The following IFNL2 variants were observed in gnomAD, a reference collection of about 807,000 sequenced individuals.
IFNL2 encodes the protein interferon lambda-2.
In IFNL2, 17 loss-of-function variants were observed where a neutral mutation model predicts 18.7. The ratio of observed to expected loss-of-function variants is 0.91; its 90% CI spans 0.62 to 1.36. IFNL2 has a LOEUF of 1.36. IFNL2 is among the 40% of genes most tolerant of loss of function. The pLI, the probability that IFNL2 is intolerant of heterozygous loss-of-function variation, is 0.00. For missense variants in IFNL2, 225 were observed against 257.3 expected (o/e 0.87, Z 0.86); for synonymous variants, 96 against 113.4 (o/e 0.85, Z 0.98).
chr19:39,269,589 C>A lies in IFNL2; in HGVS notation c.372C>A (p.Asp124Glu), dbSNP rs377564412. The A allele has an allele frequency of 7.4e-6, 12 of 1,614,104 alleles. No homozygotes were observed. In the African/African-American group the frequency reaches 9.3e-5, roughly 13 times the overall value. Residue 124 changes from aspartate (D) to glutamate (E), a missense_variant, in exon 4 of 6, where the codon GAC becomes GAA. Asp to Glu is a conservative substitution (Grantham distance 45). Transcript: ENST00000331982. ...ACCCAGCCCTGGTGGACGTCTTGGACCAGCCCCTTCACACCCTGCACCATA... is the reference window on the plus strand; with the variant it reads ...ACCCAGCCCTGGTGGACGTCTTGGAACAGCCCCTTCACACCCTGCACCATA... ...DTDPALVDVL[D>E]QPLHTLHHIL...
rs752636997 is a variant in IFNL2, at chr19:39,269,912, C to T, written c.505-3C>T. ...CCCCTGACCCATCCCCTCCTCCCTA[C>T]AGGAGTCCCCTGGCTGCCTCGAGGC... On this transcript the variant is annotated splice_polypyrimidine_tract_variant and splice_region_variant and intron_variant, in intron 5 of 5. Coordinates refer to ENST00000331982, the MANE Select transcript of IFNL2 (RefSeq NM_172138.2). The T allele has an allele frequency of 3.7e-5, 59 of 1,606,812 alleles. No individual in the cohort carries two copies.
intron 2 of IFNL2, 142 bp downstream of exon 2, chr19:39,269,000 G>A (rs561634632): frequency 7.3e-7 from 1 of 1,371,748 alleles, no homozygotes; most frequent in Admixed American, 2.2e-5. Flanking sequence ...CTACTGTAGG[G>A]ACTGACTCAT....
rs1359050492 is a variant in IFNL2 at position 39,269,184 on chromosome 19, C to A, written c.225C>A (p.Cys75Ter). ...EESLLLKDCR[C>*]HSRLFPRTWD... The stretch of plus-strand genomic sequence containing the variant: ...CGCTTCTGCTGAAGGACTGCAGGTG[C>A]CACTCCCGCCTCTTCCCCAGGACCT... Residue 75 changes from cysteine to a stop codon, truncating the protein, a stop_gained, in exon 3 of 6, where the codon TGC (cysteine) becomes TGA (stop). Coordinates refer to ENST00000331982, the MANE Select transcript of IFNL2 (RefSeq NM_172138.2). LOFTEE classifies it high-confidence loss of function. 1 of 1,610,532 alleles carries A rather than the reference C, an allele frequency of 6.2e-7. No individual in the cohort carries two copies. The highest frequency in any genetic ancestry group is 8.5e-7 in the Non-Finnish European group (1 of 1,178,444).
At position 39,269,574 on chromosome 19, in the gene IFNL2, G is replaced by A. The variant is rs2075027973; in HGVS notation, c.357G>A (p.Leu119=). The A allele has an allele frequency of 1.2e-6, 2 of 1,614,090 alleles. No individual in the cohort carries two copies. Among genetic ancestry groups the A allele is most frequent in the African/African-American group, 1.3e-5 (1 of 74,914 alleles). Residue 119 remains leucine (L), a synonymous_variant, in exon 4 of 6, where the codon CTG becomes CTA. Coordinates refer to ENST00000331982, the MANE Select transcript of IFNL2 (RefSeq NM_172138.2). ...CCACCGCTGACACTGACCCAGCCCT[G>A]GTGGACGTCTTGGACCAGCCCCTTC... is the stretch of plus-strand genomic sequence containing the variant. ...LEATADTDPA[L]VDVLDQPLHT...
Position 39,269,819 on chromosome 19 carries a change from A to G in IFNL2, c.502A>G (p.Lys168Glu). ...WLYRLQEAPK[K>E]ESPGCLEASV... is the part of the protein sequence containing the mutation. ...GTACCGGCTCCAGGAGGCCCCAAAA[A>G]AGGTGAGTGACCCGGGAAGAGAGGG... Residue 168 changes from lysine (K) to glutamate (E), a missense_variant and splice_region_variant, in exon 5 of 6, where the codon AAG becomes GAG. Lys to Glu is a moderately conservative substitution (Grantham distance 56). Transcript: ENST00000331982. 3 of 1,608,006 alleles carry G rather than the reference A, an allele frequency of 1.9e-6. No homozygotes were observed. Among genetic ancestry groups the G allele is most frequent in the South Asian group, 1.1e-5 (1 of 89,892 alleles).
rs774519597 is a variant in IFNL2 at position 39,269,787 on chromosome 19, A to G, written c.470A>G (p.His157Arg). The change falls in exon 5 of 6, where the codon CAT (histidine) becomes CGT (arginine). Residue 157 changes from histidine (H) to arginine (R), a missense_variant. Physicochemically the swap from His to Arg is conservative, Grantham distance 29. Transcript: ENST00000331982. ...CCCAGGACCCGGGGCCGCCTCCACCATTGGCTGTACCGGCTCCAGGAGGCC... is the reference window on the plus strand; with the variant it reads ...CCCAGGACCCGGGGCCGCCTCCACCGTTGGCTGTACCGGCTCCAGGAGGCC... Reference protein sequence around the residue: ...AGPRTRGRLHHWLYRLQEAPK... With the variant: ...AGPRTRGRLHRWLYRLQEAPK... 4 of 1,609,570 alleles carry G rather than the reference A, an allele frequency of 2.5e-6. No individual in the cohort carries two copies. In the East Asian group the frequency reaches 6.7e-5, roughly 27 times the overall value.
At position 39,269,961 on chromosome 19, in the gene IFNL2, G is replaced by A. The variant is rs375116352; in HGVS notation, c.551G>A (p.Arg184His). 28 of 1,602,610 alleles carry A rather than the reference G, an allele frequency of 1.7e-5. No homozygotes were observed. Among genetic ancestry groups the A allele is most frequent in the African/African-American group, 1.5e-4 (11 of 74,550 alleles). ...GCCTCTGTCACCTTCAACCTCTTCC[G>A]CCTCCTCACGCGAGACCTGAATTGT... ...LEASVTFNLF[R>H]LLTRDLNCVA... Residue 184 changes from arginine (R) to histidine (H), a missense_variant, in exon 6 of 6, where the codon CGC (arginine) becomes CAC (histidine). Arg to His is a conservative substitution (Grantham distance 29). Coordinates refer to ENST00000331982, the MANE Select transcript of IFNL2 (RefSeq NM_172138.2).
Position 39,269,647 on chromosome 19 carries a change from T to C in IFNL2, c.420+10T>C, listed in dbSNP as rs546501. Reference sequence around the variant, plus strand: ...CCAGTTCCGGGCCTGTGTGAGTCGTTGGGGCCTGGGCACCCAGGTCTGTGA... The same window carrying C: ...CCAGTTCCGGGCCTGTGTGAGTCGTCGGGGCCTGGGCACCCAGGTCTGTGA... On this transcript the variant is annotated intron_variant, in intron 4 of 5. Transcript: ENST00000331982. 2.8e-3 allele frequency: 4,468 copies of C among 1,613,336 alleles called. 130 individuals are homozygous for C. The African/African-American group carries it at 0.05, about 18-fold the overall frequency.
chr19:39,268,629 G>A, intron 1 of IFNL2, 48 bp from the exon 2 acceptor site: 1 of 1,613,810 alleles, frequency 6.2e-7, no homozygotes, highest in Non-Finnish European at 8.5e-7. Flanking sequence ...CCTGCCCTCA[G>A]TGGGCAGCCT....
intron 2 of IFNL2, 146 bp from the exon 3 acceptor site, chr19:39,269,006 C>T: frequency 7.3e-7 from 1 of 1,368,728 alleles, no homozygotes; most frequent in Non-Finnish European, 1.0e-6. Context: ...TAGGGACTGA[C>T]TCATGTTTTC....
rs2075023928 is a variant in IFNL2, at chr19:39,268,729, C to T, written c.63C>T (p.Thr21=). 15 of 1,613,206 alleles carry T rather than the reference C, an allele frequency of 9.3e-6. No homozygotes were observed. The highest frequency in any genetic ancestry group is 1.3e-5 in the African/African-American group (1 of 74,272). Residue 21 remains threonine, a synonymous_variant, in exon 2 of 6, where the codon ACC becomes ACT. Coordinates refer to ENST00000331982, the MANE Select transcript of IFNL2 (RefSeq NM_172138.2). ...PVLVLMAAVL[T]VTGAVPVARL... is the part of the protein sequence containing the mutation. The stretch of plus-strand genomic sequence containing the variant: ...TGGTGCTGATGGCCGCAGTGCTGAC[C>T]GTGACTGGAGCAGTTCCTGTCGCCA...
At position 39,269,500 on chromosome 19, in the gene IFNL2, C is replaced by G. The variant is rs200081180; in HGVS notation, c.283C>G (p.Pro95Ala). The stretch of plus-strand genomic sequence containing the variant: ...CACCTCTCCTCAGGTGAGGGAGCGC[C>G]CCATGGCTTTGGAGGCTGAGCTGGC... ...DLRQLQVRER[P>A]MALEAELALT... The change falls in exon 4 of 6, where the codon CCC becomes GCC. Residue 95 changes from proline to alanine, a missense_variant. Pro to Ala is a conservative substitution (Grantham distance 27, BLOSUM62 -1). Coordinates refer to ENST00000331982, the MANE Select transcript of IFNL2 (RefSeq NM_172138.2). 9 of 1,614,214 alleles carry G rather than the reference C, an allele frequency of 5.6e-6. No individual in the cohort carries two copies. The highest frequency in any genetic ancestry group is 7.6e-6 in the Non-Finnish European group (9 of 1,180,046).
rs1393299731 is a variant in IFNL2 at position 39,269,395 on chromosome 19, G to A, written c.271-93G>A. On this transcript the variant is annotated intron_variant, in intron 3 of 5. Coordinates refer to ENST00000331982, the MANE Select transcript of IFNL2 (RefSeq NM_172138.2). The stretch of plus-strand genomic sequence containing the variant: ...CCACACTGGCTGTGCCCTCTCCCCT[G>A]TGCCTGTCACCTTCACTTGTTCCTC... 1.9e-6 allele frequency: 3 copies of A among 1,540,216 alleles called. No individual in the cohort carries two copies. In the East Asian group the frequency reaches 7.1e-5, roughly 37 times the overall value.
chr19:39,269,810 G>A lies in IFNL2; in HGVS notation c.493G>A (p.Ala165Thr), dbSNP rs1373085151. The A allele has an allele frequency of 1.2e-6, 2 of 1,608,296 alleles. No homozygotes were observed. Among genetic ancestry groups the A allele is most frequent in the African/African-American group, 1.3e-5 (1 of 74,778 alleles). The change falls in exon 5 of 6, where the codon GCC becomes ACC. Residue 165 changes from alanine (A) to threonine (T), a missense_variant. Ala to Thr is a moderately conservative substitution (Grantham distance 58). Coordinates refer to ENST00000331982, the MANE Select transcript of IFNL2 (RefSeq NM_172138.2). ...CCATTGGCTGTACCGGCTCCAGGAG[G>A]CCCCAAAAAAGGTGAGTGACCCGGG... ...LHHWLYRLQE[A>T]PKKESPGCLE...
chr19:39,268,733 A>T lies in IFNL2; in HGVS notation c.67A>T (p.Thr23Ser). ...LVLMAAVLTV[T>S]GAVPVARLHG... ...GCTGATGGCCGCAGTGCTGACCGTG[A>T]CTGGAGCAGTTCCTGTCGCCAGGCT... The change falls in exon 2 of 6, where the codon ACT (threonine) becomes TCT (serine). Residue 23 changes from threonine to serine, a missense_variant. By Grantham distance (58) the Thr-to-Ser change is moderately conservative (BLOSUM62 1). Transcript: ENST00000331982. 6.2e-7 allele frequency: 1 copy of T among 1,613,180 alleles called. No individual in the cohort carries two copies. The highest frequency in any genetic ancestry group is 8.5e-7 in the Non-Finnish European group (1 of 1,179,860).
intron 2 of IFNL2, 80 bp from the exon 3 acceptor site, chr19:39,269,072 G>GTCAGCCA (rs2075025456): frequency 6.6e-7 from 1 of 1,507,664 alleles, no homozygotes; most frequent in Non-Finnish European, 9.0e-7. Context: ...CTATCCTGTT[G>GTCAGCCA]TCAGCCATCC....
rs1268237810 is a variant in IFNL2 at position 39,268,499 on chromosome 19, C to G, written c.-70C>G. 21 of 1,446,720 alleles carry G rather than the reference C, an allele frequency of 1.5e-5. No homozygotes were observed. The highest frequency in any genetic ancestry group is 1.8e-5 in the Non-Finnish European group (19 of 1,046,476). The allele number at this position is 1,446,720 out of a possible 1,614,324, so 89.6% of individuals were successfully genotyped here. ...GACTGAAAAGAACAGAGACTCCAGA[C>G]AAGACCCAAACAGACCCTGGGTGAC... On this transcript the variant is annotated 5_prime_UTR_variant, in exon 1 of 6. Transcript: ENST00000331982.
At chr19:39,269,872 C>T (rs772459955) in intron 5 of IFNL2, 43 bp from the exon 6 acceptor site, 10 of 1,608,452 alleles carry the variant, frequency 6.2e-6, no homozygotes, top group Middle Eastern at 1.7e-4. Context: ...CACTGGGAGC[C>T]CAGAACCCAG....
chr19:39,268,688 G>T lies in IFNL2; in HGVS notation c.22G>T (p.Asp8Tyr). The change falls in exon 2 of 6, where the codon GAC becomes TAC. Residue 8 changes from aspartate to tyrosine, a missense_variant. By Grantham distance (160) the Asp-to-Tyr change is radical. Transcript: ENST00000331982. The stretch of plus-strand genomic sequence containing the variant: ...TCTCTGTGACACAGACATGACTGGG[G>T]ACTGCACGCCAGTGCTGGTGCTGAT... MKLDMTG[D>Y]CTPVLVLMAA... 6.2e-7 allele frequency: 1 copy of T among 1,613,056 alleles called. No individual in the cohort carries two copies. Among genetic ancestry groups the T allele is most frequent in the Non-Finnish European group, 8.5e-7 (1 of 1,179,864 alleles).
Sources: allele counts gnomAD v4.1 joint callset, GRCh38; gene constraint gnomAD v4.1.1; transcripts MANE v1.5; gene names NCBI Gene and HGNC (gene_info 2026-07-23, HGNC 2026-07-21).